The following RBFOX1 variants were observed in gnomAD, a reference collection of about 807,000 sequenced individuals.
RBFOX1 encodes the protein RNA binding protein fox-1 homolog 1.
A neutral mutation model predicts 57.7 loss-of-function variants in RBFOX1; 8 were observed. The ratio of observed to expected loss-of-function variants is 0.14; its 90% CI spans 0.08 to 0.25. RBFOX1 has a LOEUF of 0.25. Among genes scored for constraint, RBFOX1 ranks in the 10% least tolerant of loss-of-function variants. The pLI is 1.00. For synonymous variants in RBFOX1, 326 were observed against 222.4 expected (o/e 1.47, Z -4.15); for missense variants, 611 against 548.5 (o/e 1.11, Z -1.14).
intron 1 of RBFOX1, among the ~76,000 whole-genome samples, chr16:5,428,300 C>T (rs2067626348): frequency 6.6e-6 from 1 of 152,132 alleles, no homozygotes; most frequent in Non-Finnish European, 1.5e-5. Context: ...TGATGAGGTT[C>T]AAGCATCCAG....
intron 11 of RBFOX1, among the ~76,000 whole-genome samples, chr16:7,639,076 A>G (rs2062296008): frequency 6.6e-6 from 1 of 152,200 alleles, no homozygotes; most frequent in East Asian, 1.9e-4. Context: ...ATACAAAATG[A>G]TCTTGACTTA....
rs144771520 is a variant in RBFOX1, at chr16:5,969,847, C to G, written c.351+102512C>G. On this transcript the variant is annotated intron_variant, in intron 4 of 19. Transcript: ENST00000641259. ...CTGCTGACTTCCAGCAATATCTTCT[C>G]AGTGTGGATGGTCCTCCAAGCAACT... Among the ~76,000 whole-genome samples the G allele has an allele frequency of 5.5e-3, 833 of 151,918 alleles. 4 individuals are homozygous for G. The highest frequency in any genetic ancestry group is 0.014 in the Middle Eastern group (4 of 294).
At chr16:5,321,810 A>C (rs896052830) in intron 1 of RBFOX1, among the ~76,000 whole-genome samples, 1 of 152,116 alleles carries the variant, frequency 6.6e-6, no homozygotes, top group African/African-American at 2.4e-5. Context: ...TGTGACTCTC[A>C]TGACGACCAG....
chr16:6,940,742 C>T (rs532912542), intron 3 of RBFOX1, among the ~76,000 whole-genome samples: 37 of 150,822 alleles, frequency 2.5e-4, no homozygotes, highest in Non-Finnish European at 4.4e-4. Context: ...GGACTACAGG[C>T]GCCCGCCACC....
intron 3 of RBFOX1, among the ~76,000 whole-genome samples, chr16:5,624,281 A>G (rs533842524): frequency 6.6e-6 from 1 of 152,222 alleles, no homozygotes; most frequent in East Asian, 1.9e-4. Flanking sequence ...TGCAAGCTCT[A>G]CCTTCTGGGT....
chr16:7,175,126 G>A (rs1265899535), intron 4 of RBFOX1, among the ~76,000 whole-genome samples: 3 of 151,668 alleles, frequency 2.0e-5, no homozygotes, highest in East Asian at 3.9e-4. Flanking sequence ...GTGGTTTGCT[G>A]CACCTATCAA....
At chr16:6,662,797 C>T (rs1185902575) in intron 3 of RBFOX1, among the ~76,000 whole-genome samples, 1 of 123,718 alleles carries the variant, frequency 8.1e-6, no homozygotes, top group Non-Finnish European at 1.7e-5. Context: ...GAGTTACTTT[C>T]TACATATGAC....
intron 6 of RBFOX1, among the ~76,000 whole-genome samples, chr16:7,581,101 T>C (rs1217280982): frequency 6.6e-6 from 1 of 152,188 alleles, no homozygotes; most frequent in Non-Finnish European, 1.5e-5. Flanking sequence ...ACACACGTGA[T>C]GCTTATCAAG....
rs77204053 is a variant in RBFOX1, at chr16:7,403,519, A to C, written c.28-114628A>C. Among the ~76,000 whole-genome samples the C allele has an allele frequency of 5.7e-3, 866 of 150,800 alleles. 10 individuals are homozygous for C. Among genetic ancestry groups the C allele is most frequent in the African/African-American group, 0.02 (825 of 40,998 alleles). ...CTGTGTCTGGTTTATTTTCTCTAGC[A>C]TAATGTCCTCCAGGTTCACCCATAT... On this transcript the variant is annotated intron_variant, in intron 4 of 15. Transcript: ENST00000550418.
intron 4 of RBFOX1, among the ~76,000 whole-genome samples, chr16:7,393,888 A>G (rs943825467): frequency 1.3e-5 from 2 of 152,134 alleles, no homozygotes; most frequent in Non-Finnish European, 2.9e-5. Flanking sequence ...CACCCACGTC[A>G]GCAGGAAGAT....
chr16:6,747,847 C>T (rs116289166), intron 3 of RBFOX1, among the ~76,000 whole-genome samples: 1 of 152,144 alleles, frequency 6.6e-6, no homozygotes, highest in Non-Finnish European at 1.5e-5. Flanking sequence ...AGTCATTTTT[C>T]TGACATAAAA....
rs2052441158 is a variant in RBFOX1, at chr16:5,733,037, C to G, written c.318+134076C>G. Among the ~76,000 whole-genome samples, 5 of 152,140 alleles carry G rather than the reference C, an allele frequency of 3.3e-5. No homozygotes were observed. The South Asian group carries it at 1.0e-3, about 32-fold the overall frequency. On this transcript the variant is annotated intron_variant, in intron 3 of 19. Transcript: ENST00000641259. Reference sequence around the variant, plus strand: ...CACATTTTTGAAAACTCATCAAACCCTGTGCCTAAACAGGGGGTACATCTT... The same window carrying G: ...CACATTTTTGAAAACTCATCAAACCGTGTGCCTAAACAGGGGGTACATCTT...
intron 5 of RBFOX1, among the ~76,000 whole-genome samples, chr16:7,536,987 T>A (rs2081620224): frequency 6.6e-6 from 1 of 152,122 alleles, no homozygotes; most frequent in South Asian, 2.1e-4. Context: ...AAGTTGAGGA[T>A]AAACAGGTGA....
At chr16:6,557,139 A>C (rs933311245) in intron 2 of RBFOX1, among the ~76,000 whole-genome samples, 2 of 145,938 alleles carry the variant, frequency 1.4e-5, no homozygotes, top group African/African-American at 2.6e-5. Flanking sequence ...ATACATATAT[A>C]CATATATACA....
At chr16:6,990,933 G>A (rs866197733) in intron 3 of RBFOX1, among the ~76,000 whole-genome samples, 9 of 151,930 alleles carry the variant, frequency 5.9e-5, no homozygotes, top group African/African-American at 1.9e-4. Flanking sequence ...TATTGCCAAT[G>A]AGAACCACCA....
rs372069989 is a variant in RBFOX1, at chr16:6,724,536, C to T, written c.-16+69886C>T. 1.6e-4 allele frequency among the ~76,000 whole-genome samples: 25 copies of T among 152,066 alleles called. No homozygotes were observed. The East Asian group carries it at 2.1e-3, about 13-fold the overall frequency. ...ATCTTCTGTGGACGAGGAAGCAGGC[C>T]CTCACCAGACACCAAATCTACCAGG... On this transcript the variant is annotated intron_variant, in intron 3 of 15. Coordinates refer to ENST00000550418, the MANE Select transcript of RBFOX1 (RefSeq NM_018723.4).
chr16:6,653,989 A>ATGGATGGATGGG (rs2098625412), intron 2 of RBFOX1, among the ~76,000 whole-genome samples: 1 of 147,972 alleles, frequency 6.8e-6, no homozygotes, highest in African/African-American at 2.5e-5. Flanking sequence ...GGATGGATGG[A>ATGGATGGATGGG]TGGATGGATG....
chr16:6,159,106 T>C (rs2096859062), intron 1 of RBFOX1, among the ~76,000 whole-genome samples: 1 of 152,118 alleles, frequency 6.6e-6, no homozygotes, highest in Non-Finnish European at 1.5e-5. Context: ...AGATGGAGTC[T>C]CATTCTGTCA....
At chr16:7,510,257 G>A in intron 4 of RBFOX1, 1 of 985,906 alleles carries the variant, frequency 1.0e-6, no homozygotes, top group Non-Finnish European at 1.2e-6. Context: ...TTGTGGTGTG[G>A]GACAAGAACA....
Sources: gnomAD v4.1 joint callset for allele counts (sites outside exome capture counted in the v4.1 genomes callset) on GRCh38, gnomAD v4.1.1 for gene constraint, MANE v1.5 for transcripts, NCBI Gene and HGNC (gene_info 2026-07-23, HGNC 2026-07-21) for gene names.